The following SGCZ variants were observed in gnomAD, a reference collection of about 807,000 sequenced individuals.
SGCZ encodes the protein zeta-sarcoglycan.
A neutral mutation model predicts 41.3 loss-of-function variants in SGCZ; 40 were observed. The ratio of observed to expected loss-of-function variants is 0.97; its 90% confidence interval spans 0.75 to 1.26. The LOEUF is 1.26. SGCZ is among the 50% of genes most tolerant of loss of function. SGCZ has a pLI of 0.00. For missense variants in SGCZ, 552 were observed against 369.8 expected (o/e 1.49, Z -4.04); for synonymous variants, 206 against 137.5 (o/e 1.50, Z -3.49).
Position 14,670,031 on chromosome 8 carries a change from T to A in SGCZ, c.40-115105A>T, listed in dbSNP as rs376424336. Among the ~76,000 whole-genome samples, 6 of 152,324 alleles carry A rather than the reference T, an allele frequency of 3.9e-5. No individual in the cohort carries two copies. The East Asian group carries it at 5.8e-4, about 15-fold the overall frequency. ...TTTGGAAGCAATAACTAAGTTTATA[T>A]CTTTTTCAGCTGTAATGATTTGTCA... is the stretch of plus-strand genomic sequence containing the variant. On this transcript the variant is annotated intron_variant, in intron 1 of 7. Transcript: ENST00000382080.
intron 1 of SGCZ, among the ~76,000 whole-genome samples, chr8:14,603,491 G>C (rs910008189): frequency 2.6e-5 from 4 of 151,328 alleles, no homozygotes; most frequent in Admixed American, 2.6e-4. Flanking sequence ...CTTAGGTACC[G>C]AAAGATGTAA....
intron 1 of SGCZ, among the ~76,000 whole-genome samples, chr8:14,676,211 C>A (rs1808272359): frequency 6.6e-6 from 1 of 152,150 alleles, no homozygotes; most frequent in African/African-American, 2.4e-5. Context: ...AAGTATCATC[C>A]CTGCAATGCC....
At chr8:14,537,562 T>C (rs1202626337) in intron 2 of SGCZ, among the ~76,000 whole-genome samples, 1 of 151,584 alleles carries the variant, frequency 6.6e-6, no homozygotes, top group African/African-American at 2.4e-5. Flanking sequence ...TTTCTTTTCT[T>C]TTTTTTTCAC....
intron 1 of SGCZ, among the ~76,000 whole-genome samples, chr8:15,149,709 T>TCC (rs1799126117): frequency 7.5e-5 from 2 of 26,606 alleles, no homozygotes; most frequent in African/African-American, 4.0e-4. Flanking sequence ...AACTATAAAC[T>TCC]ACAAAAAAAA....
At chr8:14,189,209 T>G (rs1325517854) in intron 4 of SGCZ, among the ~76,000 whole-genome samples, 1 of 152,238 alleles carries the variant, frequency 6.6e-6, no homozygotes, top group South Asian at 2.1e-4. Context: ...TCTGGGCTGC[T>G]GAAACGCCAA....
chr8:14,758,598 C>T (rs1054083911), intron 1 of SGCZ, among the ~76,000 whole-genome samples: 1 of 152,120 alleles, frequency 6.6e-6, no homozygotes, highest in Non-Finnish European at 1.5e-5. Flanking sequence ...ACAATGCTGT[C>T]GGTGTTAAGT....
intron 1 of SGCZ, among the ~76,000 whole-genome samples, chr8:14,575,168 T>G (rs749798855): frequency 2.0e-5 from 3 of 152,196 alleles, no homozygotes; most frequent in Non-Finnish European, 2.9e-5. Context: ...TTGGGAAAAG[T>G]AAAATCAGTA....
In SGCZ at chr8:14,350,092, G is replaced by A. The variant is rs146832137; in HGVS notation, c.235-25888C>T. ...GCTAAATGATTGATAAAATCCCCTC[G>A]TGACTTGGAAAATGTCTTTGGAAGG... is the stretch of plus-strand genomic sequence containing the variant. On this transcript the variant is annotated intron_variant, in intron 2 of 7. Transcript: ENST00000382080. 3.5e-3 allele frequency among the ~76,000 whole-genome samples: 532 copies of A among 152,088 alleles called. 2 individuals are homozygous for A. Among genetic ancestry groups the A allele is most frequent in the Non-Finnish European group, 6.4e-3 (432 of 67,976 alleles).
chr8:14,755,083 A>G (rs1000908344), intron 1 of SGCZ, among the ~76,000 whole-genome samples: 7 of 152,050 alleles, frequency 4.6e-5, no homozygotes, highest in African/African-American at 1.4e-4. Flanking sequence ...TGTCTTATTC[A>G]TGTTGTTTAT....
intron 3 of SGCZ, among the ~76,000 whole-genome samples, chr8:14,316,086 A>G (rs1400185357): frequency 6.6e-6 from 1 of 151,894 alleles, no homozygotes; most frequent in Non-Finnish European, 1.5e-5. Context: ...TGACTAGGCA[A>G]TTTCATGGTG....
At chr8:15,196,227 C>T (rs62501991) in intron 1 of SGCZ, among the ~76,000 whole-genome samples, 28,680 of 151,344 alleles carry the variant, frequency 0.19, 2,933 homozygotes, top group Non-Finnish European at 0.2. Flanking sequence ...CAGGAACTAT[C>T]CCAAATGCCA....
At chr8:15,060,733 A>T (rs1422077495) in intron 1 of SGCZ, among the ~76,000 whole-genome samples, 1 of 150,876 alleles carries the variant, frequency 6.6e-6, no homozygotes, top group Non-Finnish European at 1.5e-5. Context: ...TGACTTTGGG[A>T]CCTGTAGGTA....
chr8:14,608,710 T>A (rs923994316), intron 1 of SGCZ, among the ~76,000 whole-genome samples: 28 of 147,234 alleles, frequency 1.9e-4, no homozygotes, highest in Admixed American at 1.5e-3. Flanking sequence ...TGGCTTGGTA[T>A]GGGGGATCCA....
At chr8:14,184,546 C>T (rs1191891538) in intron 4 of SGCZ, among the ~76,000 whole-genome samples, 3 of 152,124 alleles carry the variant, frequency 2.0e-5, no homozygotes, top group African/African-American at 7.2e-5. Context: ...ATTGGAACTA[C>T]TAAACACTGT....
intron 1 of SGCZ, among the ~76,000 whole-genome samples, chr8:15,195,865 G>C (rs1800707852): frequency 6.6e-6 from 1 of 150,428 alleles, no homozygotes; most frequent in African/African-American, 2.4e-5. Context: ...AATTTATAAT[G>C]GGTTTTATAC....
intron 2 of SGCZ, among the ~76,000 whole-genome samples, chr8:14,465,769 G>A (rs1652119368): frequency 6.6e-6 from 1 of 151,560 alleles, no homozygotes; most frequent in Admixed American, 6.6e-5. Flanking sequence ...AGAAAACTCT[G>A]CTCTTTTGAT....
intron 2 of SGCZ, among the ~76,000 whole-genome samples, chr8:14,448,879 T>C (rs781261458): frequency 3.3e-5 from 5 of 152,214 alleles, no homozygotes; most frequent in Non-Finnish European, 5.9e-5. Flanking sequence ...GCTGTACTTG[T>C]TGATGAGAAT....
chr8:14,655,458 A>C (rs1277785846), intron 1 of SGCZ, among the ~76,000 whole-genome samples: 1 of 152,150 alleles, frequency 6.6e-6, no homozygotes, highest in Non-Finnish European at 1.5e-5. Flanking sequence ...TTTTATGGGA[A>C]TGACATTTCC....
At chr8:14,552,129 T>C (rs913807297) in intron 2 of SGCZ, among the ~76,000 whole-genome samples, 2 of 152,000 alleles carry the variant, frequency 1.3e-5, no homozygotes, top group African/African-American at 4.8e-5. Flanking sequence ...TAGTCTTTGG[T>C]ATTCTCTGTA....
Sources: allele counts gnomAD v4.1 joint callset (sites outside exome capture counted in the v4.1 genomes callset), GRCh38; gene constraint gnomAD v4.1.1; transcripts MANE v1.5; gene names NCBI Gene and HGNC (gene_info 2026-07-23, HGNC 2026-07-21).